Variants in SLC8A1 observed in about 807,000 individuals in gnomAD.
SLC8A1 encodes solute carrier family 8 member A1, also known as sodium/calcium exchanger 1.
SLC8A1 carries 18 observed loss-of-function variants against 68.3 expected under a neutral mutation model. That is an observed-to-expected ratio of 0.26 (90% confidence interval 0.18 to 0.39). The LOEUF is 0.39. SLC8A1 is among the 10% of genes least tolerant of loss of function. The pLI is 1.00. For missense variants in SLC8A1, 985 were observed against 1,156.7 expected, an observed-to-expected ratio of 0.85 and a Z score of 2.15; for synonymous variants, 475 against 415.5, an observed-to-expected ratio of 1.14 and a Z score of -1.74.
At chr2:40,350,410 G>C (rs954320037) in intron 2 of SLC8A1, among the ~76,000 whole-genome samples, 1 of 151,926 alleles carries the variant, frequency 6.6e-6, no homozygotes, top group East Asian at 1.9e-4. Context: ...GAGCACAGAA[G>C]GTTGACGCTG....
At chr2:40,178,095 A>G (rs1303457946) in intron 2 of SLC8A1, among the ~76,000 whole-genome samples, 1 of 152,144 alleles carries the variant, frequency 6.6e-6, no homozygotes, top group African/African-American at 2.4e-5. Flanking sequence ...TAGGTACCCC[A>G]TTTTGGGGTA....
chr2:40,334,004 C>T (rs74675963), intron 2 of SLC8A1, among the ~76,000 whole-genome samples: 2,444 of 152,212 alleles, frequency 0.016, 32 homozygotes, highest in Middle Eastern at 0.02. Flanking sequence ...GCCGAGATGG[C>T]ACCATTGCAT....
intron 4 of SLC8A1, among the ~76,000 whole-genome samples, chr2:40,170,979 C>T (rs1367216431): frequency 6.6e-6 from 1 of 152,094 alleles, no homozygotes; most frequent in Non-Finnish European, 1.5e-5. Context: ...TTTGGATAAC[C>T]TAGGGTTAAC....
intron 2 of SLC8A1, among the ~76,000 whole-genome samples, chr2:40,362,964 T>G (rs537975961): frequency 6.6e-6 from 1 of 152,122 alleles, no homozygotes; most frequent in African/African-American, 2.4e-5. Context: ...TAGTTCTGAC[T>G]AAATGTCCTT....
chr2:40,462,872 T>G (rs1703427454), intron 1 of SLC8A1, among the ~76,000 whole-genome samples: 1 of 152,180 alleles, frequency 6.6e-6, no homozygotes, highest in African/African-American at 2.4e-5. Flanking sequence ...TTTGTGGGAA[T>G]AAACTTGAAT....
At chr2:40,210,661 C>T (rs564708462) in intron 2 of SLC8A1, among the ~76,000 whole-genome samples, 3 of 152,196 alleles carry the variant, frequency 2.0e-5, no homozygotes, top group Middle Eastern at 3.4e-3. Context: ...AAATGAATTT[C>T]CTGTTTCACC....
intron 2 of SLC8A1, among the ~76,000 whole-genome samples, chr2:40,286,688 T>G (rs992240357): frequency 6.6e-6 from 1 of 152,190 alleles, no homozygotes; most frequent in African/African-American, 2.4e-5. Context: ...CCGGAGCTGA[T>G]GGACAGCTAT....
At chr2:40,280,794 T>A (rs986350406) in intron 2 of SLC8A1, among the ~76,000 whole-genome samples, 7 of 152,204 alleles carry the variant, frequency 4.6e-5, no homozygotes, top group African/African-American at 1.4e-4. Flanking sequence ...ATGGAGTCTT[T>A]GAAGACCCTG....
intron 1 of SLC8A1, among the ~76,000 whole-genome samples, chr2:40,510,436 A>G (rs1412297601): frequency 1.3e-5 from 2 of 152,206 alleles, no homozygotes; most frequent in African/African-American, 4.8e-5. Flanking sequence ...TGCACTTGGC[A>G]GTAGGCAAAC....
In SLC8A1 at chr2:40,310,790, A is replaced by C. The variant is rs866075453; in HGVS notation, c.1808+117683T>G. On this transcript the variant is annotated intron_variant, in intron 2 of 7. Transcript: ENST00000406785. ...TAGCTCACTGCCATGGGACCACGGCATGGGATCCCAACAGATGGATCTGGT... is the reference window on the plus strand; with the variant it reads ...TAGCTCACTGCCATGGGACCACGGCCTGGGATCCCAACAGATGGATCTGGT... Among the ~76,000 whole-genome samples, 15 of 152,210 alleles carry C rather than the reference A, an allele frequency of 9.9e-5. 1 individual carries two copies. Among genetic ancestry groups the C allele is most frequent in the African/African-American group, 3.4e-4 (14 of 41,564 alleles).
At chr2:40,208,426 A>G (rs452138) in intron 2 of SLC8A1, 21,446 of 152,144 alleles carry the variant, frequency 0.14, 1,879 homozygotes, top group African/African-American at 0.23. Context: ...AGTCAGATGC[A>G]TACTCCCTGA....
chr2:40,346,902 T>C (rs1669521183), intron 2 of SLC8A1, among the ~76,000 whole-genome samples: 3 of 152,160 alleles, frequency 2.0e-5, no homozygotes, highest in Admixed American at 6.5e-5. Flanking sequence ...AGTCTGACTT[T>C]TACTCCCCTG....
intron 2 of SLC8A1, among the ~76,000 whole-genome samples, chr2:40,423,669 T>C (rs1696106941): frequency 6.6e-6 from 1 of 151,988 alleles, no homozygotes; most frequent in Non-Finnish European, 1.5e-5. Flanking sequence ...AAGCTTTAAT[T>C]AGTGCTGGAA....
rs71406069 is a variant in SLC8A1 at position 40,465,313 on chromosome 2, C to CAT, written c.-24-35011_-24-35010dup. Among the ~76,000 whole-genome samples, 247 of 151,974 alleles carry CAT rather than the reference C, an allele frequency of 1.6e-3. 1 individual carries two copies. Among genetic ancestry groups the CAT allele is most frequent in the African/African-American group, 5.4e-3 (224 of 41,434 alleles). On this transcript the variant is annotated intron_variant, in intron 1 of 7. Coordinates refer to the SLC8A1 transcript ENST00000402441. ...ATTCATGTAGGTGAGGAACCTATTA[C>CAT]ATATATATATAGTATTTTTGGCATG...
intron 2 of SLC8A1, among the ~76,000 whole-genome samples, chr2:40,381,501 C>A (rs1056221551): frequency 6.6e-6 from 1 of 151,858 alleles, no homozygotes. Context: ...CTCTTCACTT[C>A]GTCAAAATTT....
At chr2:40,318,764 C>T (rs373097757) in intron 2 of SLC8A1, among the ~76,000 whole-genome samples, 1 of 152,240 alleles carries the variant, frequency 6.6e-6, no homozygotes, top group African/African-American at 2.4e-5. Context: ...GTCTTTAGGA[C>T]TCCGGAAGTT....
chr2:40,249,557 C>T (rs755869137), intron 2 of SLC8A1, among the ~76,000 whole-genome samples: 2 of 152,172 alleles, frequency 1.3e-5, no homozygotes, highest in African/African-American at 4.8e-5. Context: ...TTTCTCTTCT[C>T]CCAATTCACA....
At chr2:40,221,859 G>A (rs2148844516) in intron 2 of SLC8A1, among the ~76,000 whole-genome samples, 2 of 152,242 alleles carry the variant, frequency 1.3e-5, no homozygotes, top group South Asian at 2.1e-4. Flanking sequence ...ACTGCTCAAG[G>A]AAATAAGAGA....
At chr2:40,352,924 C>T (rs1241646473) in intron 2 of SLC8A1, among the ~76,000 whole-genome samples, 1 of 152,106 alleles carries the variant, frequency 6.6e-6, no homozygotes, top group Non-Finnish European at 1.5e-5. Flanking sequence ...TTATCTAATA[C>T]ATCTACGAGA....
Sources: gnomAD v4.1 joint callset for allele counts (sites outside exome capture counted in the v4.1 genomes callset) on GRCh38, gnomAD v4.1.1 for gene constraint, MANE v1.5 for transcripts, NCBI Gene and HGNC (gene_info 2026-07-23, HGNC 2026-07-21) for gene names.